The following TADA2A variants were observed in gnomAD, a reference collection of about 807,000 sequenced individuals.
TADA2A encodes the protein transcriptional adapter 2-alpha.
TADA2A carries 38 observed loss-of-function variants against 67.4 expected under a neutral mutation model. The ratio of observed to expected loss-of-function variants is 0.56; its 90% confidence interval spans 0.44 to 0.74. The LOEUF is 0.74. Among genes scored for constraint, TADA2A ranks in the 30% least tolerant of loss-of-function variants. The pLI is 0.00. For missense variants in TADA2A, 454 were observed against 547.0 expected (o/e 0.83, Z 1.70); for synonymous variants, 192 against 181.6 (o/e 1.06, Z -0.46).
intron 3 of TADA2A, among the ~76,000 whole-genome samples, chr17:37,424,992 G>GCTTCAAGGGATTCTCCTA (rs1307409027): frequency 3.9e-5 from 6 of 151,958 alleles, no homozygotes; most frequent in African/African-American, 1.5e-4. Context: ...GGATTCTCCT[G>GCTTCAAGGGATTCTCCTA]CTTCAACCTC....
rs2053762135 is a variant in TADA2A, at chr17:37,470,452, A to C, written c.948A>C (p.Lys316Asn). 1 of 1,613,428 alleles carries C rather than the reference A, an allele frequency of 6.2e-7. No individual in the cohort carries two copies. Among genetic ancestry groups the C allele is most frequent in the South Asian group, 1.1e-5 (1 of 91,046 alleles). ...AGACACGGGAGGAAGAGCGCCTTAA[A>C]CGCACTATGCTCTCAGAAGTTCTCC... ...LKKTREEERL[K>N]RTMLSEVLQY... The change falls in exon 13 of 16, where the codon AAA becomes AAC. Residue 316 changes from lysine to asparagine, a missense_variant. Lys to Asn is a moderately conservative substitution (Grantham distance 94). Coordinates refer to ENST00000615182, the MANE Select transcript of TADA2A (RefSeq NM_001166105.3).
intron 4 of TADA2A, among the ~76,000 whole-genome samples, chr17:37,435,190 G>A (rs1280247391): frequency 6.6e-6 from 1 of 152,192 alleles, no homozygotes; most frequent in Non-Finnish European, 1.5e-5. Flanking sequence ...AACGATGTTA[G>A]GAAATTATTT....
intron 4 of TADA2A, among the ~76,000 whole-genome samples, chr17:37,434,331 G>A (rs892227220): frequency 6.6e-6 from 1 of 152,204 alleles, no homozygotes; most frequent in African/African-American, 2.4e-5. Flanking sequence ...TGAAAAATGA[G>A]CAGCCAGCCA....
chr17:37,429,128 T>C (rs2052497555), intron 4 of TADA2A, among the ~76,000 whole-genome samples: 1 of 151,868 alleles, frequency 6.6e-6, no homozygotes, highest in African/African-American at 2.4e-5. Context: ...TCTAGGGGTC[T>C]TTCTGTGTTA....
In TADA2A at chr17:37,420,503, C is replaced by T. The variant is rs571191452; in HGVS notation, c.26-3006C>T. ...TGCCTCCCGGGTTCAAACAATTCTC[C>T]TGCCTCAGCCTCCTGAGTAGCTGAG... On this transcript the variant is annotated intron_variant, in intron 2 of 15. Coordinates refer to ENST00000615182, the MANE Select transcript of TADA2A (RefSeq NM_001166105.3). 3.5e-4 allele frequency among the ~76,000 whole-genome samples: 50 copies of T among 144,698 alleles called. 1 individual carries two copies. The highest frequency in any genetic ancestry group is 1.4e-3 in the Admixed American group (20 of 14,282). The allele number at this position is 144,698 out of a possible 152,430, so 94.9% of individuals were successfully genotyped here.
chr17:37,449,732 A>G (rs993873833), intron 8 of TADA2A, among the ~76,000 whole-genome samples: 2 of 148,736 alleles, frequency 1.3e-5, no homozygotes, highest in African/African-American at 2.5e-5. Context: ...CTATCCTCCC[A>G]CCTCAGCTAC....
In TADA2A at chr17:37,477,311, CTG is replaced by C. The variant is rs1348280453; in HGVS notation, c.*331_*332del. 3 of 243,538 alleles carry C rather than the reference CTG, an allele frequency of 1.2e-5. No homozygotes were observed. Among genetic ancestry groups the C allele is most frequent in the Admixed American group, 5.2e-5 (1 of 19,110 alleles). 15.1% of individuals were successfully genotyped at this position (243,538 alleles called of 1,614,324 possible). ...GGTAGAAATGGAACTAAACCACAGT[CTG>C]TAATCCCAGGAGTCCAGCTCAGATC... On this transcript the variant is annotated 3_prime_UTR_variant, in exon 16 of 16. Coordinates refer to ENST00000615182, the MANE Select transcript of TADA2A (RefSeq NM_001166105.3).
At chr17:37,475,994 A>G (rs1159812103) in intron 15 of TADA2A, among the ~76,000 whole-genome samples, 1 of 152,160 alleles carries the variant, frequency 6.6e-6, no homozygotes, top group African/African-American at 2.4e-5. Context: ...ATCTCCCACC[A>G]TATATCATTA....
chr17:37,444,590 C>A, intron 7 of TADA2A, 106 bp from the exon 8 acceptor site: 1 of 930,514 alleles, frequency 1.1e-6, no homozygotes, highest in Non-Finnish European at 1.7e-6. Flanking sequence ...TTTTAAACAA[C>A]TGTTTGCTTG....
At chr17:37,450,744 G>T (rs939380856) in intron 8 of TADA2A, 2 of 152,332 alleles carry the variant, frequency 1.3e-5, no homozygotes, top group African/African-American at 2.4e-5. Context: ...CTGTGAGCAA[G>T]TGATTCTCAT....
In TADA2A at chr17:37,470,377, C is replaced by A; in HGVS notation, c.896-23C>A. The A allele has an allele frequency of 1.9e-6, 3 of 1,613,056 alleles. No individual in the cohort carries two copies. The South Asian group carries it at 3.3e-5, about 18-fold the overall frequency. On this transcript the variant is annotated intron_variant, in intron 12 of 15. Transcript: ENST00000615182. The stretch of plus-strand genomic sequence containing the variant: ...AGTTCTGCTGCATTGTCATTGTGGT[C>A]ATTGTGTTTTCTATACCCCCAGGTG...
At chr17:37,430,925 T>A (rs35615029) in intron 4 of TADA2A, among the ~76,000 whole-genome samples, 34,754 of 152,148 alleles carry the variant, frequency 0.23, 4,166 homozygotes, top group Middle Eastern at 0.35. Context: ...ATGAATTTAG[T>A]ATAGATATAG....
chr17:37,442,961 G>A (rs553221892), intron 7 of TADA2A, among the ~76,000 whole-genome samples: 31 of 152,188 alleles, frequency 2.0e-4, no homozygotes, highest in African/African-American at 6.7e-4. Flanking sequence ...CCAGGTGTTC[G>A]AGACTAGCCT....
chr17:37,457,935 T>G, intron 8 of TADA2A, among the ~76,000 whole-genome samples: 2 of 152,276 alleles, frequency 1.3e-5, no homozygotes, highest in Admixed American at 1.3e-4. Context: ...TTTTTTAACT[T>G]TTATTTTAAA....
chr17:37,471,269 C>CAGAGTAACAGTAAT (rs2053781637), intron 14 of TADA2A, 132 bp downstream of exon 14: 2 of 852,266 alleles, frequency 2.3e-6, no homozygotes, highest in Non-Finnish European at 3.8e-6. Context: ...AAGTGTTAGC[C>CAGAGTAACAGTAAT]CAATATATAA....
intron 4 of TADA2A, among the ~76,000 whole-genome samples, chr17:37,431,597 CAG>C (rs2052570501): frequency 2.1e-5 from 3 of 144,440 alleles, no homozygotes; most frequent in Admixed American, 7.0e-5. Context: ...TTTTTTGAGA[CAG>C]AGTCTTGCCC....
intron 9 of TADA2A, 94 bp from the exon 10 acceptor site, chr17:37,461,984 A>T (rs1449794366): frequency 9.9e-7 from 1 of 1,008,022 alleles, no homozygotes; most frequent in Non-Finnish European, 1.5e-6. Flanking sequence ...ATTCCACCTC[A>T]GCATGTTTAT....
chr17:37,434,656 T>C (rs557474250), intron 4 of TADA2A, among the ~76,000 whole-genome samples: 2 of 152,336 alleles, frequency 1.3e-5, no homozygotes, highest in East Asian at 3.9e-4. Flanking sequence ...AAAACATTAA[T>C]CTTTTAATTC....
intron 8 of TADA2A, among the ~76,000 whole-genome samples, chr17:37,446,169 A>G (rs1485825880): frequency 1.3e-5 from 2 of 151,452 alleles, no homozygotes; most frequent in African/African-American, 4.9e-5. Context: ...AGGAAAGTCA[A>G]AGTGACGCAG....
Sources: gnomAD v4.1 joint callset for allele counts (sites outside exome capture counted in the v4.1 genomes callset) on GRCh38, gnomAD v4.1.1 for gene constraint, MANE v1.5 for transcripts, NCBI Gene and HGNC (gene_info 2026-07-23, HGNC 2026-07-21) for gene names.